MAD1L1: variants seen among roughly 807,000 people sequenced by gnomAD.
The protein encoded by MAD1L1 is mitotic arrest deficient 1 like 1, also known as mitotic spindle assembly checkpoint protein MAD1.
In MAD1L1, 95 loss-of-function variants were observed where a neutral mutation model predicts 96.9. That is an observed-to-expected ratio of 0.98 (90% CI 0.83 to 1.16). The LOEUF (loss-of-function observed/expected upper bound fraction) is 1.16. Among genes scored for constraint, MAD1L1 ranks in the 50% most tolerant of loss-of-function variants. The pLI is 0.00. For missense variants in MAD1L1, 1,007 were observed against 954.4 expected (o/e 1.06, Z -0.73); for synonymous variants, 473 against 396.6 (o/e 1.19, Z -2.29).
intron 11 of MAD1L1, among the ~76,000 whole-genome samples, chr7:2,110,850 C>T (rs1303146954): frequency 6.6e-6 from 1 of 152,202 alleles, no homozygotes; most frequent in Non-Finnish European, 1.5e-5. Context: ...CAACAGCCGT[C>T]TGCGCTCAGA....
chr7:2,232,650 G>A (rs949984386), intron 1 of MAD1L1, among the ~76,000 whole-genome samples: 1 of 152,150 alleles, frequency 6.6e-6, no homozygotes, highest in African/African-American at 2.4e-5. Context: ...ACAGCCCAAA[G>A]GGGGAGTGGG....
chr7:2,180,367 G>A lies in MAD1L1; in HGVS notation c.987-31129C>T, dbSNP rs563034359. On this transcript the variant is annotated intron_variant, in intron 10 of 18. Coordinates refer to ENST00000265854, the MANE Select transcript of MAD1L1 (RefSeq NM_001013836.2). ...GACTCACCAGTTCTAGGTATCTCAG[G>A]AAATCTCTGGCTAATATTCATTCTG... Among the ~76,000 whole-genome samples the A allele has an allele frequency of 2.4e-4, 37 of 152,334 alleles. No homozygotes were observed. In the South Asian group the frequency reaches 7.2e-3, roughly 30 times the overall value.
chr7:2,021,085 G>T (rs1000469736), intron 12 of MAD1L1, among the ~76,000 whole-genome samples: 1 of 152,208 alleles, frequency 6.6e-6, no homozygotes, highest in African/African-American at 2.4e-5. Flanking sequence ...AGAACAGTGG[G>T]ATGACCGTGA....
rs1348288163 is a variant in MAD1L1, at chr7:1,881,403, AAT to A, written c.1998+16795_1998+16796del. Among the ~76,000 whole-genome samples, 6 of 152,360 alleles carry A rather than the reference AAT, an allele frequency of 3.9e-5. No individual in the cohort carries two copies. In the East Asian group the frequency reaches 1.2e-3, roughly 29 times the overall value. On this transcript the variant is annotated intron_variant, in intron 18 of 18. Transcript: ENST00000265854. ...GGGTTAATAATTTATCCAATTAATTAATTTTATCCAAACTAATAATCAATCTA... is the reference window on the plus strand; with the variant it reads ...GGGTTAATAATTTATCCAATTAATTATTTATCCAAACTAATAATCAATCTA...
rs1408330559 is a variant in MAD1L1, at chr7:1,816,164, T to A, written c.2063A>T (p.Glu688Val). The change falls in exon 19 of 19, where the codon GAG becomes GTG. Residue 688 changes from glutamate (E) to valine (V), a missense_variant. Physicochemically the swap from Glu to Val is moderately radical, Grantham distance 121. Transcript: ENST00000265854. ...LETEFSHTVGELIEVHLRRQD... is the reference protein window; with the variant it reads ...LETEFSHTVGVLIEVHLRRQD... ...GCGCCGCAGGTGCACCTCGATGAGC[T>A]CGCCCACGGTGTGTGAGAACTCTGT... The A allele has an allele frequency of 1.2e-6, 2 of 1,613,176 alleles. No individual in the cohort carries two copies. The highest frequency in any genetic ancestry group is 1.3e-5 in the African/African-American group (1 of 74,834).
At chr7:2,081,034 G>A (rs1041680860) in intron 11 of MAD1L1, among the ~76,000 whole-genome samples, 2 of 152,214 alleles carry the variant, frequency 1.3e-5, no homozygotes, top group African/African-American at 4.8e-5. Flanking sequence ...GTTCCTGAAG[G>A]GTGAGAAGAT....
rs1221635401 is a variant in MAD1L1, at chr7:1,904,276, G to A, written c.1808-5886C>T. Among the ~76,000 whole-genome samples the A allele has an allele frequency of 6.7e-4, 98 of 146,616 alleles. 1 individual carries two copies. Among genetic ancestry groups the A allele is most frequent in the Admixed American group, 1.3e-3 (20 of 14,892 alleles). On this transcript the variant is annotated intron_variant, in intron 17 of 18. Transcript: ENST00000265854. ...TTGATGAAGCACTGTTCCAGGCAGT[G>A]AGGACGCAGTGGCCTATGGAAGACG...
At chr7:2,056,394 C>CCTCTGCTCTGCTCTG (rs60120786) in intron 12 of MAD1L1, among the ~76,000 whole-genome samples, 223 of 151,618 alleles carry the variant, frequency 1.5e-3, no homozygotes, top group African/African-American at 3.2e-3. Flanking sequence ...GGATGGAGGC[C>CCTCTGCTCTGCTCTG]CTCTGCTCTG....
chr7:2,145,980 G>A (rs1470379906), intron 11 of MAD1L1, among the ~76,000 whole-genome samples: 4 of 152,194 alleles, frequency 2.6e-5, no homozygotes, highest in East Asian at 1.9e-4. Context: ...TGGGAAGGGC[G>A]CTCTGTTCCG....
chr7:2,044,205 T>TTCCTCCCAAC (rs1224314173), intron 12 of MAD1L1, among the ~76,000 whole-genome samples: 1 of 152,246 alleles, frequency 6.6e-6, no homozygotes, highest in Non-Finnish European at 1.5e-5. Context: ...AGGGTCACTC[T>TTCCTCCCAAC]TGCTCATTCC....
intron 10 of MAD1L1, among the ~76,000 whole-genome samples, chr7:2,207,074 T>C (rs1189789767): frequency 2.9e-5 from 4 of 137,464 alleles, no homozygotes; most frequent in Admixed American, 7.6e-5. Flanking sequence ...TAAGATTCCG[T>C]CTCAAAAAAA....
rs1425160848 is a variant in MAD1L1, at chr7:2,088,271, G to A, written c.1074-18933C>T. Among the ~76,000 whole-genome samples the A allele has an allele frequency of 2.0e-5, 3 of 152,164 alleles. No individual in the cohort carries two copies. The highest frequency in any genetic ancestry group is 2.9e-5 in the Non-Finnish European group (2 of 68,026). ...GAAACCTGCCGACGGGCCTGTTGCC[G>A]CTGGAACACAATCCAGGCCCCCATC... On this transcript the variant is annotated intron_variant, in intron 11 of 18. Coordinates refer to ENST00000265854, the MANE Select transcript of MAD1L1 (RefSeq NM_001013836.2). This position sits in a 1 kb window ranked among gnomAD's most constrained non-coding sequence, Gnocchi z 4.4.
intron 18 of MAD1L1, chr7:1,874,477 G>A (rs780830200): frequency 5.1e-5 from 23 of 453,034 alleles, no homozygotes; most frequent in Middle Eastern, 3.8e-4. Flanking sequence ...GAGAGGAGGC[G>A]GAGGGCTGAC....
At chr7:2,072,581 G>C (rs968541127) in intron 11 of MAD1L1, among the ~76,000 whole-genome samples, 5 of 152,326 alleles carry the variant, frequency 3.3e-5, no homozygotes, top group African/African-American at 1.2e-4. Context: ...ATCTACTCTT[G>C]AATCACTGAA....
rs3778952 is a variant in MAD1L1 at position 2,085,823 on chromosome 7, T to C, written c.1074-16485A>G. Among the ~76,000 whole-genome samples, 4 of 152,196 alleles carry C rather than the reference T, an allele frequency of 2.6e-5. No homozygotes were observed. In the East Asian group the frequency reaches 7.7e-4, roughly 29 times the overall value. On this transcript the variant is annotated intron_variant, in intron 11 of 18. Transcript: ENST00000265854. Reference sequence around the variant, plus strand: ...CAAACATGTTATCAATTCTCTTGGGTGCGCACTTAGAAGGGAAGTTGCTGG... The same window carrying C: ...CAAACATGTTATCAATTCTCTTGGGCGCGCACTTAGAAGGGAAGTTGCTGG...
chr7:2,108,821 G>A (rs914992803), intron 11 of MAD1L1, among the ~76,000 whole-genome samples: 2 of 152,168 alleles, frequency 1.3e-5, no homozygotes, highest in Non-Finnish European at 2.9e-5. Context: ...CGGCAGGAGC[G>A]GCTGTCAGAA....
At chr7:2,054,266 C>G (rs188363486) in intron 12 of MAD1L1, among the ~76,000 whole-genome samples, 85 of 152,346 alleles carry the variant, frequency 5.6e-4, no homozygotes, top group African/African-American at 1.9e-3. Flanking sequence ...TCCAGTGTAA[C>G]GCAGCCTCCA....
intron 17 of MAD1L1, among the ~76,000 whole-genome samples, chr7:1,929,680 G>C (rs1484371142): frequency 6.9e-6 from 1 of 145,100 alleles, no homozygotes; most frequent in Non-Finnish European, 1.5e-5. Flanking sequence ...ACACGAAAGG[G>C]AGCTCTTGAC....
At chr7:2,038,527 G>C (rs1411185632) in intron 12 of MAD1L1, among the ~76,000 whole-genome samples, 1 of 23,678 alleles carries the variant, frequency 4.2e-5, no homozygotes, top group African/African-American at 1.2e-4. Context: ...TTTTTTTTTT[G>C]AGACACAGTC....
Sources: allele counts gnomAD v4.1 joint callset (sites outside exome capture counted in the v4.1 genomes callset), GRCh38; gene constraint gnomAD v4.1.1; non-coding constraint Gnocchi (gnomAD v3.1); transcripts MANE v1.5; gene names NCBI Gene and HGNC (gene_info 2026-07-23, HGNC 2026-07-21).